ADAMTS14: variants seen among roughly 807,000 people sequenced by gnomAD.
ADAMTS14 encodes A disintegrin and metalloproteinase with thrombospondin motifs 14.
A neutral mutation model predicts 128.6 loss-of-function variants in ADAMTS14; 100 were observed. The ratio of observed to expected loss-of-function variants is 0.78; its 90% CI spans 0.66 to 0.92. ADAMTS14 has a LOEUF of 0.92. Among genes scored for constraint, ADAMTS14 ranks in the 40% least tolerant of loss-of-function variants. The pLI is 0.00. For missense variants in ADAMTS14, 1,562 were observed against 1,658.6 expected (o/e 0.94, Z 1.01); for synonymous variants, 665 against 653.8 (o/e 1.02, Z -0.26).
intron 4 of ADAMTS14, among the ~76,000 whole-genome samples, chr10:70,728,190 C>T (rs758716442): frequency 3.3e-5 from 5 of 152,070 alleles, no homozygotes; most frequent in Non-Finnish European, 5.9e-5. Context: ...TGCCTATGCC[C>T]GGTCAAGATT....
At position 70,744,154 on chromosome 10, in the gene ADAMTS14, T is replaced by G; in HGVS notation, c.2147T>G (p.Val716Gly). The change falls in exon 14 of 22, where the codon GTG (valine) becomes GGG (glycine). Residue 716 changes from valine to glycine, a missense_variant. By Grantham distance (109) the Val-to-Gly change is moderately radical. Transcript: ENST00000373207. ...GGTGACAACTCCCACTGCAGGACTG[T>G]GAAGGGGACGCTGGGCAAGGCCTCC... ...CGGDNSHCRT[V>G]KGTLGKASKQ... 6.5e-7 allele frequency: 1 copy of G among 1,548,078 alleles called. No individual in the cohort carries two copies. The highest frequency in any genetic ancestry group is 1.2e-5 in the South Asian group (1 of 83,738).
intron 6 of ADAMTS14, among the ~76,000 whole-genome samples, chr10:70,730,793 T>G (rs1479493977): frequency 6.6e-6 from 1 of 152,172 alleles, no homozygotes; most frequent in African/African-American, 2.4e-5. Flanking sequence ...GTGCATGACA[T>G]GTTTGTGACA....
intron 16 of ADAMTS14, 104 bp downstream of exon 16, chr10:70,750,089 G>C: frequency 1.4e-6 from 2 of 1,476,870 alleles, no homozygotes; most frequent in Non-Finnish European, 1.8e-6. Flanking sequence ...GGTGTCTTTA[G>C]GAGCCTGGGC....
chr10:70,713,913 G>T (rs1840937438), intron 4 of ADAMTS14, among the ~76,000 whole-genome samples: 1 of 152,196 alleles, frequency 6.6e-6, no homozygotes, highest in African/African-American at 2.4e-5. Flanking sequence ...ATAATTGCAA[G>T]CTGGGTGCCG....
At chr10:70,740,355 G>A (rs754871309) in intron 11 of ADAMTS14, among the ~76,000 whole-genome samples, 8 of 152,196 alleles carry the variant, frequency 5.3e-5, no homozygotes, top group Non-Finnish European at 1.0e-4. Context: ...AGAGAGCATA[G>A]ATGACTATAA....
At chr10:70,757,883 G>A in intron 19 of ADAMTS14, 79 bp from the exon 20 acceptor site, 1 of 1,516,888 alleles carries the variant, frequency 6.6e-7, no homozygotes, top group Non-Finnish European at 8.8e-7. Flanking sequence ...GCTGGGCTCT[G>A]AGCTCACTGA....
chr10:70,736,394 G>A (rs931119097), intron 9 of ADAMTS14, among the ~76,000 whole-genome samples: 3 of 152,140 alleles, frequency 2.0e-5, no homozygotes, highest in African/African-American at 7.2e-5. Flanking sequence ...CCAGCTCAGT[G>A]ACAAATGGCC....
At chr10:70,721,053 C>G (rs556044002) in intron 4 of ADAMTS14, among the ~76,000 whole-genome samples, 50 of 105,294 alleles carry the variant, frequency 4.7e-4, no homozygotes, top group Non-Finnish European at 7.9e-4. Context: ...GAGATGGACT[C>G]TTGCTCTGTC....
chr10:70,757,115 A>G (rs558257325), intron 19 of ADAMTS14, among the ~76,000 whole-genome samples: 25 of 152,126 alleles, frequency 1.6e-4, no homozygotes, highest in African/African-American at 6.0e-4. Flanking sequence ...CAGCATCTAA[A>G]AGGTGACCCA....
chr10:70,682,996 C>T (rs1280121548), intron 2 of ADAMTS14, among the ~76,000 whole-genome samples: 2 of 152,242 alleles, frequency 1.3e-5, no homozygotes, highest in African/African-American at 4.8e-5. Context: ...GAGGGGACAG[C>T]ATTTGTCGTC....
At chr10:70,734,844 A>G (rs1841774029) in intron 8 of ADAMTS14, among the ~76,000 whole-genome samples, 1 of 152,206 alleles carries the variant, frequency 6.6e-6, no homozygotes, top group South Asian at 2.1e-4. Flanking sequence ...TGAATCAACC[A>G]TTAGTCTTGG....
intron 12 of ADAMTS14, among the ~76,000 whole-genome samples, chr10:70,742,271 G>T (rs926523357): frequency 1.3e-5 from 2 of 152,126 alleles, no homozygotes; most frequent in African/African-American, 4.8e-5. Flanking sequence ...TGCCTGTCCT[G>T]GGTTGGAGCT....
chr10:70,681,938 T>C (rs80263730), intron 2 of ADAMTS14, among the ~76,000 whole-genome samples: 6,575 of 152,360 alleles, frequency 0.043, 176 homozygotes, highest in East Asian at 0.085. Context: ...TCTAGCCTTA[T>C]GGGCTCCAGC....
rs779244275 is a variant in ADAMTS14 at position 70,753,757 on chromosome 10, T to G, written c.2730-43T>G. 20 of 1,494,750 alleles carry G rather than the reference T, an allele frequency of 1.3e-5. 1 individual carries two copies. The Middle Eastern group carries it at 7.0e-4, about 53-fold the overall frequency. 92.6% of individuals were successfully genotyped at this position (1,494,750 alleles called of 1,614,324 possible). On this transcript the variant is annotated intron_variant, in intron 18 of 21. Transcript: ENST00000373207. ...ATAGAAAGTGTCCTCTGGGATGAAG[T>G]GCCCCCTTGGTCTCACCTCCTCTCC...
Position 70,749,892 on chromosome 10 carries a change from C to T in ADAMTS14, c.2334C>T (p.Phe778=), listed in dbSNP as rs376862096. Residue 778 remains phenylalanine (F), a synonymous_variant, in exon 16 of 22, where the codon TTC becomes TTT. Coordinates refer to ENST00000373207, the MANE Select transcript of ADAMTS14 (RefSeq NM_080722.4). ...GCAAGGAAGCCACAAGCCGGACCTT[C>T]ACCGCCATGGGCCTGGAGTGGGAGG... ...PKGKEATSRT[F]TAMGLEWEDA... 109 of 1,614,056 alleles carry T rather than the reference C, an allele frequency of 6.8e-5. No individual in the cohort carries two copies. The highest frequency in any genetic ancestry group is 9.0e-5 in the Non-Finnish European group (106 of 1,180,044).
At chr10:70,694,648 G>A (rs1487443681) in intron 2 of ADAMTS14, among the ~76,000 whole-genome samples, 3 of 152,094 alleles carry the variant, frequency 2.0e-5, no homozygotes, top group East Asian at 1.9e-4. Flanking sequence ...GTGACCTTTT[G>A]CATCTGGCTT....
At chr10:70,734,721 G>C (rs1438431333) in intron 8 of ADAMTS14, among the ~76,000 whole-genome samples, 1 of 152,216 alleles carries the variant, frequency 6.6e-6, no homozygotes, top group Non-Finnish European at 1.5e-5. Flanking sequence ...TGGAGGCAGA[G>C]ATATAGTCAC....
intron 2 of ADAMTS14, among the ~76,000 whole-genome samples, chr10:70,693,149 A>G (rs1039115876): frequency 5.3e-5 from 8 of 152,076 alleles, no homozygotes; most frequent in African/African-American, 1.9e-4. Flanking sequence ...CTGAGTGAGA[A>G]CTCACTTACC....
In ADAMTS14 at chr10:70,752,279, C is replaced by G. The variant is rs373213909; in HGVS notation, c.2729+52C>G. The G allele has an allele frequency of 2.5e-6, 4 of 1,596,278 alleles. No individual in the cohort carries two copies. In the African/African-American group the frequency reaches 5.4e-5, roughly 21 times the overall value. On this transcript the variant is annotated intron_variant, in intron 18 of 21. Transcript: ENST00000373207. ...AGTCTGGTTCTATGCCTAGCCCGGG[C>G]CCCAGGCAGCGGGGCTGCTGAGCCT...
Sources: allele counts gnomAD v4.1 joint callset (sites outside exome capture counted in the v4.1 genomes callset), GRCh38; gene constraint gnomAD v4.1.1; transcripts MANE v1.5; gene names NCBI Gene and HGNC (gene_info 2026-07-23, HGNC 2026-07-21).